Variants in RYR1 observed in about 807,000 individuals in gnomAD.
RYR1 encodes central core disease of muscle.
A neutral mutation model predicts 583.5 loss-of-function variants in RYR1; 342 were observed. The ratio of observed to expected loss-of-function variants is 0.59; its 90% CI spans 0.54 to 0.64. The LOEUF is 0.64. Among genes scored for constraint, RYR1 ranks in the 30% least tolerant of loss-of-function variants. The pLI is 0.00. For synonymous variants in RYR1, 2,791 were observed against 2,822.5 expected, an observed-to-expected ratio of 0.99 and a Z score of 0.35; for missense variants, 6,032 against 6,917.2, an observed-to-expected ratio of 0.87 and a Z score of 4.54.
intron 65 of RYR1, 88 bp from the exon 66 acceptor site, chr19:38,517,271 T>G: frequency 7.6e-7 from 1 of 1,323,970 alleles, no homozygotes; most frequent in Non-Finnish European, 1.1e-6. Context: ...GGCAATTCAA[T>G]GGTGTCTGAT....
At chr19:38,528,886 A>G in intron 75 of RYR1, 65 bp from the exon 76 acceptor site, 3 of 1,557,988 alleles carry the variant, frequency 1.9e-6, no homozygotes, top group Non-Finnish European at 2.6e-6. Flanking sequence ...ACCAACAGGG[A>G]CATGGGGGCA....
At chr19:38,487,447 A>G (rs1969350426) in intron 34 of RYR1, among the ~76,000 whole-genome samples, 3 of 151,588 alleles carry the variant, frequency 2.0e-5, no homozygotes, top group African/African-American at 7.3e-5. Flanking sequence ...TCCGCTTCCC[A>G]TGTTCAAGAG....
chr19:38,457,085 C>CCAGAATT (rs1967451000), intron 16 of RYR1, among the ~76,000 whole-genome samples: 1 of 127,498 alleles, frequency 7.8e-6, no homozygotes, highest in South Asian at 2.5e-4. Context: ...ATAACAAAAA[C>CCAGAATT]CAGAATTACT....
intron 38 of RYR1, among the ~76,000 whole-genome samples, chr19:38,494,120 G>A (rs1221339329): frequency 6.6e-6 from 1 of 152,158 alleles, no homozygotes; most frequent in Non-Finnish European, 1.5e-5. Flanking sequence ...AGTGAGCTGT[G>A]ATAGCCCCAC....
chr19:38,502,902 C>G lies in RYR1; in HGVS notation c.7858C>G (p.Gln2620Glu). The change falls in exon 49 of 106, where the codon CAG becomes GAG. Residue 2620 changes from glutamine (Q) to glutamate (E), a missense_variant. Gln to Glu is a conservative substitution (Grantham distance 29). Coordinates refer to ENST00000359596, the MANE Select transcript of RYR1 (RefSeq NM_000540.3). ...CAGGTACATCCGCCCGTCGATGCTG[C>G]AGCACCTGTTGCGCCGCCTGGTGTT... Reference protein sequence around the residue: ...LCRYIRPSMLQHLLRRLVFDV... With the variant: ...LCRYIRPSMLEHLLRRLVFDV... 6.2e-7 allele frequency: 1 copy of G among 1,611,810 alleles called. No individual in the cohort carries two copies. The highest frequency in any genetic ancestry group is 8.5e-7 in the Non-Finnish European group (1 of 1,179,990).
At chr19:38,556,856 C>T (rs2145816983) in intron 89 of RYR1, among the ~76,000 whole-genome samples, 1 of 152,136 alleles carries the variant, frequency 6.6e-6, no homozygotes, top group South Asian at 2.1e-4. Context: ...GGGTTTCCTC[C>T]AAAGTGGGAC....
chr19:38,449,161 CAG>C (rs1966947921), intron 11 of RYR1, among the ~76,000 whole-genome samples: 1 of 152,014 alleles, frequency 6.6e-6, no homozygotes, highest in Non-Finnish European at 1.5e-5. Flanking sequence ...AAGATAGAGA[CAG>C]AGAAACAGAG....
At chr19:38,438,014 A>G (rs1337754627) in intron 1 of RYR1, among the ~76,000 whole-genome samples, 2 of 149,794 alleles carry the variant, frequency 1.3e-5, no homozygotes, top group Non-Finnish European at 3.0e-5. Flanking sequence ...GTTATTTTTC[A>G]AGGGGCCCAT....
At chr19:38,571,921 TG>T in intron 94 of RYR1, 97 bp from the exon 95 acceptor site, 1 of 1,555,398 alleles carries the variant, frequency 6.4e-7, no homozygotes, top group Non-Finnish European at 8.8e-7. Context: ...AGACTGTATC[TG>T]GTATGGTCCC....
In RYR1 at chr19:38,500,990, G is replaced by A. The variant is rs1207360336; in HGVS notation, c.7614G>A (p.Thr2538=). ...TGAGGGCAGCCGCCTCGCTGGACAC[G>A]GTGAGCAACCCTGCCCAGCCTGGCC... ...PDMRAAASLD[T]ATFSTTEMAL... Residue 2538 remains threonine (T), a splice_region_variant and synonymous_variant, in exon 47 of 106, where the codon ACG becomes ACA. Coordinates refer to ENST00000359596, the MANE Select transcript of RYR1 (RefSeq NM_000540.3). This position sits in a 1 kb window ranked among gnomAD's most constrained non-coding sequence, Gnocchi z 5.9. The A allele has an allele frequency of 4.3e-6, 7 of 1,612,962 alleles. No homozygotes were observed. Among genetic ancestry groups the A allele is most frequent in the East Asian group, 2.2e-5 (1 of 44,878 alleles).
At chr19:38,501,683 G>A (rs1044407493) in intron 47 of RYR1, among the ~76,000 whole-genome samples, 1 of 152,068 alleles carries the variant, frequency 6.6e-6, no homozygotes, top group African/African-American at 2.4e-5. Flanking sequence ...GAAGCCTTCC[G>A]AGAGGGGGTT....
At chr19:38,441,471 T>A in intron 2 of RYR1, among the ~76,000 whole-genome samples, 1 of 145,088 alleles carries the variant, frequency 6.9e-6, no homozygotes. Context: ...GGCTTGAGGG[T>A]CTTAGGTAGT....
intron 89 of RYR1, among the ~76,000 whole-genome samples, chr19:38,549,651 A>C (rs1972574585): frequency 6.8e-6 from 1 of 147,926 alleles, no homozygotes; most frequent in African/African-American, 2.5e-5. Context: ...CATTGCCCAA[A>C]TGTTTTCTAT....
chr19:38,572,438 A>G (rs939696378), intron 95 of RYR1, among the ~76,000 whole-genome samples, 168 bp downstream of exon 95: 2 of 152,042 alleles, frequency 1.3e-5, no homozygotes, highest in African/African-American at 4.8e-5. Context: ...GGTCTCCAGC[A>G]AGGATGACAG....
intron 89 of RYR1, among the ~76,000 whole-genome samples, chr19:38,555,078 AGCCCCCG>A (rs1972821681): frequency 6.6e-6 from 1 of 151,972 alleles, no homozygotes; most frequent in Non-Finnish European, 1.5e-5. Flanking sequence ...CCCCCACCCC[AGCCCCCG>A]GTAACCACTG....
At chr19:38,548,101 G>A in intron 88 of RYR1, 132 bp from the exon 89 acceptor site, 1 of 964,750 alleles carries the variant, frequency 1.0e-6, no homozygotes, top group South Asian at 1.4e-5. Flanking sequence ...GAAGGGACCT[G>A]TGGAGGGGAG....
In RYR1 at chr19:38,499,812, G is replaced by C; in HGVS notation, c.7205G>C (p.Arg2402Pro). 1 of 1,605,660 alleles carries C rather than the reference G, an allele frequency of 6.2e-7. No individual in the cohort carries two copies. Among genetic ancestry groups the C allele is most frequent in the Non-Finnish European group, 8.5e-7 (1 of 1,179,128 alleles). Residue 2402 changes from arginine (R) to proline (P), a missense_variant, in exon 44 of 106, where the codon CGG (arginine) becomes CCG (proline). Arg to Pro is a moderately radical substitution (Grantham distance 103). Coordinates refer to ENST00000359596, the MANE Select transcript of RYR1 (RefSeq NM_000540.3). This position sits in a 1 kb window ranked among gnomAD's most constrained non-coding sequence, Gnocchi z 7.3. ...RDGPGIRRDR[R>P]REHFGEEPPE... Reference sequence around the variant, plus strand: ...GGCCCAGGCATCCGCAGGGACCGGCGGCGCGAGCAGTGAGTCTCCCGGCCC... The same window carrying C: ...GGCCCAGGCATCCGCAGGGACCGGCCGCGCGAGCAGTGAGTCTCCCGGCCC...
chr19:38,529,772 T>A (rs1052010267), intron 76 of RYR1, among the ~76,000 whole-genome samples: 2 of 152,088 alleles, frequency 1.3e-5, no homozygotes, highest in African/African-American at 2.4e-5. Flanking sequence ...AATAAATAAT[T>A]GTGATGCAGA....
At chr19:38,439,309 C>T (rs555393377) in intron 1 of RYR1, among the ~76,000 whole-genome samples, 8 of 152,044 alleles carry the variant, frequency 5.3e-5, no homozygotes, top group African/African-American at 1.9e-4. Context: ...AAGCCATTCT[C>T]CTGCCTCAGC....
Sources: allele counts gnomAD v4.1 joint callset (sites outside exome capture counted in the v4.1 genomes callset), GRCh38; gene constraint gnomAD v4.1.1; non-coding constraint Gnocchi (gnomAD v3.1); transcripts MANE v1.5; gene names NCBI Gene and HGNC (gene_info 2026-07-23, HGNC 2026-07-21).